Variants in CUL4A observed in about 807,000 individuals in gnomAD.
CUL4A encodes the protein cullin 4A.
Under a neutral mutation model 95.5 loss-of-function variants are expected in CUL4A, and 16 were observed. That is an observed-to-expected ratio of 0.17 (90% CI 0.11 to 0.25). The LOEUF (loss-of-function observed/expected upper bound fraction) is 0.25. Ranked by LOEUF, CUL4A falls within the 10% of genes least tolerant of loss-of-function variation. The pLI, the probability that CUL4A is intolerant of heterozygous loss-of-function variation, is 1.00. For missense variants in CUL4A, 610 were observed against 937.0 expected, an observed-to-expected ratio of 0.65 and a Z score of 4.56; for synonymous variants, 380 against 353.1, an observed-to-expected ratio of 1.08 and a Z score of -0.85.
At chr13:113,241,610 G>A (rs2041712949) in intron 10 of CUL4A, among the ~76,000 whole-genome samples, 1 of 151,270 alleles carries the variant, frequency 6.6e-6, no homozygotes, top group Admixed American at 6.6e-5. Context: ...TGCCTCCTGG[G>A]TTCAAGCAGT....
In CUL4A at chr13:113,210,066, A is replaced by G; in HGVS notation, c.242A>G (p.Tyr81Cys). Residue 81 changes from tyrosine (Y) to cysteine (C), a missense_variant, in exon 2 of 20, where the codon TAC becomes TGC. By Grantham distance (194) the Tyr-to-Cys change is radical. This residue lies in a region of CUL4A where 168 missense variants were observed against 185.5 expected (regional missense o/e 0.91). Transcript: ENST00000375440. ...GTGCAGAGCAGCACCTCCATCAGGT[A>G]CAACCTCGAGGAGCTCTACCAGGTG... ...RAVQSSTSIR[Y>C]NLEELYQAVE... 1 of 1,514,446 alleles carries G rather than the reference A, an allele frequency of 6.6e-7. No individual in the cohort carries two copies. The highest frequency in any genetic ancestry group is 8.8e-7 in the Non-Finnish European group (1 of 1,132,104). 93.8% of individuals were successfully genotyped at this position (1,514,446 alleles called of 1,614,324 possible).
intron 15 of CUL4A, among the ~76,000 whole-genome samples, chr13:113,248,627 G>A (rs1041774251): frequency 6.6e-6 from 1 of 152,076 alleles, no homozygotes. Flanking sequence ...GTATCCACGG[G>A]CTGTTGGTTC....
At position 113,239,485 on chromosome 13, in the gene CUL4A, C is replaced by T. The variant is rs745998574; in HGVS notation, c.969C>T (p.Tyr323=). 1.2e-6 allele frequency: 2 copies of T among 1,613,970 alleles called. No homozygotes were observed. Among genetic ancestry groups the T allele is most frequent in the South Asian group, 2.2e-5 (2 of 91,014 alleles). Residue 323 remains tyrosine (Y), a synonymous_variant, in exon 10 of 20, where the codon TAC becomes TAT. Transcript: ENST00000375440. ...GAGTGCCGGACCTCGCACAGATGTACCAGCTGTTCAGCCGGGTGAGGGGCG... is the reference window on the plus strand; with the variant it reads ...GAGTGCCGGACCTCGCACAGATGTATCAGCTGTTCAGCCGGGTGAGGGGCG... ...ENRVPDLAQM[Y]QLFSRVRGGQ...
At chr13:113,258,899 C>T (rs1341393361) in intron 18 of CUL4A, among the ~76,000 whole-genome samples, 2 of 152,182 alleles carry the variant, frequency 1.3e-5, no homozygotes, top group Non-Finnish European at 2.9e-5. Flanking sequence ...ATCAGGGAGC[C>T]ACAGCTGGAC....
chr13:113,245,374 C>G (rs1201805044), intron 14 of CUL4A, 137 bp downstream of exon 14: 1 of 751,322 alleles, frequency 1.3e-6, no homozygotes, highest in Non-Finnish European at 2.2e-6. Context: ...CTACCCTGAT[C>G]AACATAGCAA....
chr13:113,224,943 A>G (rs150642291), intron 3 of CUL4A, among the ~76,000 whole-genome samples: 80 of 152,282 alleles, frequency 5.3e-4, no homozygotes, highest in African/African-American at 1.9e-3. Flanking sequence ...CAGATGGGCC[A>G]CTTGTTCCTG....
intron 10 of CUL4A, among the ~76,000 whole-genome samples, chr13:113,242,606 A>G (rs559484676): frequency 2.0e-5 from 3 of 152,204 alleles, no homozygotes; most frequent in African/African-American, 7.2e-5. Context: ...CCTGGGCAAC[A>G]TGACCCCGTC....
At chr13:113,208,782 G>C (rs1450195434), upstream of CUL4A, 8 of 1,421,758 alleles carry the variant, frequency 5.6e-6, no homozygotes, top group Admixed American at 5.8e-5. Flanking sequence ...CCTGGGGACC[G>C]GCTCGGCGAC....
chr13:113,230,530 A>C (rs969851834), intron 5 of CUL4A, among the ~76,000 whole-genome samples: 40 of 152,242 alleles, frequency 2.6e-4, no homozygotes, highest in Non-Finnish European at 1.5e-4. Flanking sequence ...AACGCTGCAC[A>C]GAAAAGACAG....
intron 15 of CUL4A, among the ~76,000 whole-genome samples, chr13:113,251,969 T>C (rs550732678): frequency 7.9e-5 from 12 of 152,228 alleles, no homozygotes; most frequent in Middle Eastern, 6.8e-3. Context: ...GCGAAACTGG[T>C]GAGCCCTTGC....
At chr13:113,214,133 T>A (rs1372123050) in intron 2 of CUL4A, among the ~76,000 whole-genome samples, 3 of 152,220 alleles carry the variant, frequency 2.0e-5, no homozygotes, top group Non-Finnish European at 1.5e-5. Context: ...GTTTCGTGTT[T>A]GGTTTTTGGT....
At position 113,264,948 on chromosome 13, in the gene CUL4A, T is replaced by G. The variant is rs74603525; in HGVS notation, c.*1366T>G. On this transcript the variant is annotated 3_prime_UTR_variant, in exon 20 of 20. Coordinates refer to ENST00000375440, the MANE Select transcript of CUL4A (RefSeq NM_001008895.4). ...CTAAGAAAGACCAAACAGATTTCTA[T>G]TTTTTTTTTCTTATAAGTTCGTTGT... 5 of 710 alleles carry G rather than the reference T, an allele frequency of 7.0e-3. No individual in the cohort carries two copies. The highest frequency in any genetic ancestry group is 0.5 in the East Asian group (1 of 2). 0.0% of individuals were successfully genotyped at this position (710 alleles called of 1,614,324 possible). A position where few individuals can be genotyped will look rare whatever the true frequency, so the allele number is the denominator to read the frequency against.
intron 4 of CUL4A, among the ~76,000 whole-genome samples, chr13:113,228,609 G>T (rs567120869): frequency 6.6e-6 from 1 of 152,118 alleles, no homozygotes; most frequent in East Asian, 1.9e-4. Context: ...GTTGGGAAGG[G>T]TTTGGTGAGA....
chr13:113,252,369 TACA>T (rs1178789374), intron 15 of CUL4A, among the ~76,000 whole-genome samples: 7 of 152,030 alleles, frequency 4.6e-5, no homozygotes, highest in South Asian at 2.1e-4. Context: ...GACCCATCTC[TACA>T]ACAACAACAA....
chr13:113,213,136 C>T (rs1416579369), intron 2 of CUL4A, among the ~76,000 whole-genome samples: 1 of 152,138 alleles, frequency 6.6e-6, no homozygotes, highest in African/African-American at 2.4e-5. Context: ...ACCTGTAATC[C>T]CAGCACTTTG....
intron 19 of CUL4A, among the ~76,000 whole-genome samples, chr13:113,261,211 G>A (rs1347022652): frequency 3.7e-4 from 57 of 152,264 alleles, no homozygotes; most frequent in Non-Finnish European, 1.5e-5. Flanking sequence ...AACCCGCGTT[G>A]TTTTCAGAAC....
At chr13:113,225,424 A>G (rs911157669) in intron 3 of CUL4A, among the ~76,000 whole-genome samples, 1 of 152,238 alleles carries the variant, frequency 6.6e-6, no homozygotes, top group Non-Finnish European at 1.5e-5. Flanking sequence ...CAAAAAAATT[A>G]TTGATTGAGG....
At chr13:113,230,396 A>G (rs2041268687) in intron 5 of CUL4A, among the ~76,000 whole-genome samples, 1 of 152,140 alleles carries the variant, frequency 6.6e-6, no homozygotes, top group Admixed American at 6.5e-5. Flanking sequence ...TTTATACAAC[A>G]TCTATACAAT....
At chr13:113,241,767 C>T (rs2041718453) in intron 10 of CUL4A, among the ~76,000 whole-genome samples, 1 of 151,916 alleles carries the variant, frequency 6.6e-6, no homozygotes, top group Admixed American at 6.6e-5. Flanking sequence ...CCCGCCTTAG[C>T]CTCCCAAAGT....
Sources: gnomAD v4.1 joint callset for allele counts (sites outside exome capture counted in the v4.1 genomes callset) on GRCh38, gnomAD v4.1.1 for gene constraint, gnomAD v4.1.1 regional missense constraint, MANE v1.5 for transcripts, NCBI Gene and HGNC (gene_info 2026-07-23, HGNC 2026-07-21) for gene names.